Variants in DNMBP observed in about 807,000 individuals in gnomAD.
The protein encoded by DNMBP is dynamin-binding protein.
DNMBP carries 87 observed loss-of-function variants against 150.0 expected under a neutral mutation model. The observed-to-expected ratio is 0.58, with a 90% CI of 0.49 to 0.69. DNMBP has a LOEUF of 0.69. Among genes scored for constraint, DNMBP ranks in the 30% least tolerant of loss-of-function variants. The probability of loss-of-function intolerance (pLI) is 0.00; values close to 1 mark genes in which losing one functional copy is unlikely to be tolerated. For missense variants in DNMBP, 1,774 were observed against 1,949.0 expected (o/e 0.91, Z 1.69); for synonymous variants, 711 against 750.4 (o/e 0.95, Z 0.86).
intron 15 of DNMBP, 43 bp downstream of exon 15, chr10:99,883,966 ATT>A: frequency 2.1e-6 from 3 of 1,417,336 alleles, no homozygotes; most frequent in Non-Finnish European, 1.9e-6. Context: ...CAAAACTACT[ATT>A]TTTTTTTTCC....
chr10:99,961,731 T>G (rs1474816273), intron 3 of DNMBP, among the ~76,000 whole-genome samples: 1 of 152,104 alleles, frequency 6.6e-6, no homozygotes, highest in Non-Finnish European at 1.5e-5. Flanking sequence ...GCCAAACTTT[T>G]ACCATGAAGC....
intron 4 of DNMBP, among the ~76,000 whole-genome samples, chr10:99,943,463 T>C (rs996449329): frequency 6.6e-6 from 1 of 152,162 alleles, no homozygotes; most frequent in Non-Finnish European, 1.5e-5. Context: ...AGTGCAATGA[T>C]ATGATGACAG....
At chr10:99,909,973 C>T in intron 4 of DNMBP, among the ~76,000 whole-genome samples, 1 of 152,178 alleles carries the variant, frequency 6.6e-6, no homozygotes, top group East Asian at 1.9e-4. Flanking sequence ...AGCGTTTGTT[C>T]ATCTGAAATG....
At chr10:99,901,347 G>A (rs2039734318) in intron 6 of DNMBP, among the ~76,000 whole-genome samples, 1 of 152,116 alleles carries the variant, frequency 6.6e-6, no homozygotes, top group Admixed American at 6.6e-5. Context: ...TCTGGTTGAG[G>A]GTTACTGAAA....
At chr10:99,898,714 C>A in intron 8 of DNMBP, 29 bp downstream of exon 8, 2 of 1,612,046 alleles carry the variant, frequency 1.2e-6, no homozygotes, top group East Asian at 4.5e-5. Flanking sequence ...AAGAAATGAG[C>A]GCATACATCA....
chr10:99,909,013 GTC>G lies in DNMBP; in HGVS notation c.2392_2393del (p.Asp798LeufsTer10). 1 of 1,614,178 alleles carries G rather than the reference GTC, an allele frequency of 6.2e-7. No individual in the cohort carries two copies. Among genetic ancestry groups the G allele is most frequent in the Non-Finnish European group, 8.5e-7 (1 of 1,180,040 alleles). ...VIEELLQTERDYIRDLEMCIE... is the reference protein window; with the variant it reads ...VIEELLQTERXYIRDLEMCIE... The stretch of plus-strand genomic sequence containing the variant: ...TACACATTTCCAGATCCCGAATGTA[GTC>G]TCTTTCTGTCTGAAGAAGTTCTTCT... On this transcript the variant is annotated frameshift_variant, in exon 5 of 17. Coordinates refer to ENST00000324109, the MANE Select transcript of DNMBP (RefSeq NM_015221.4). LOFTEE classifies it high-confidence loss of function.
At chr10:99,883,413 C>T (rs750538821) in intron 15 of DNMBP, among the ~76,000 whole-genome samples, 26 of 151,782 alleles carry the variant, frequency 1.7e-4, no homozygotes, top group Non-Finnish European at 3.2e-4. Context: ...CCTATAATCC[C>T]AGCATTTTAG....
chr10:99,971,729 T>G (rs574208150), intron 2 of DNMBP, among the ~76,000 whole-genome samples: 1 of 151,864 alleles, frequency 6.6e-6, no homozygotes, highest in African/African-American at 2.4e-5. Flanking sequence ...CATCTCACCA[T>G]GTTGGCCAGG....
At chr10:99,952,844 T>A (rs114977618) in intron 4 of DNMBP, among the ~76,000 whole-genome samples, 3,298 of 152,322 alleles carry the variant, frequency 0.022, 119 homozygotes, top group African/African-American at 0.075. Context: ...GGTAGCTATA[T>A]GTGCTCAGTC....
chr10:99,886,602 G>C lies in DNMBP; in HGVS notation c.3316C>G (p.Pro1106Ala), dbSNP rs1212855537. The stretch of plus-strand genomic sequence containing the variant: ...AACATGCTCAGTAACTGATTTAAGG[G>C]GGAGATGACAAGCCGCTCTGTCCTC... ...KERTERLVISPLNQLLSMFTG... is the reference protein window; with the variant it reads ...KERTERLVISALNQLLSMFTG... The change falls in exon 13 of 17, where the codon CCC becomes GCC. Residue 1106 changes from proline to alanine, a missense_variant. Physicochemically the swap from Pro to Ala is conservative, Grantham distance 27 (BLOSUM62 -1). Around this residue, in one of 2 missense-constraint regions of DNMBP, gnomAD observed 1,430 missense variants for 1,492.5 expected, o/e 0.96. Transcript: ENST00000324109. The C allele has an allele frequency of 6.2e-7, 1 of 1,613,964 alleles. No individual in the cohort carries two copies. Among genetic ancestry groups the C allele is most frequent in the Non-Finnish European group, 8.5e-7 (1 of 1,179,900 alleles).
chr10:99,989,272 G>A (rs1248062942), intron 1 of DNMBP, among the ~76,000 whole-genome samples: 1 of 152,210 alleles, frequency 6.6e-6, no homozygotes, highest in Admixed American at 6.5e-5. Flanking sequence ...GACTTGGAGT[G>A]GAGTGGAGAT....
In DNMBP at chr10:99,956,566, G is replaced by A; in HGVS notation, c.908C>T (p.Thr303Ile). 1.2e-6 allele frequency: 2 copies of A among 1,614,068 alleles called. No individual in the cohort carries two copies. The highest frequency in any genetic ancestry group is 1.7e-6 in the Non-Finnish European group (2 of 1,180,008). Residue 303 changes from threonine (T) to isoleucine (I), a missense_variant, in exon 4 of 17, where the codon ACA (threonine) becomes ATA (isoleucine). Thr to Ile is a moderately conservative substitution (Grantham distance 89). Around this residue, in one of 2 missense-constraint regions of DNMBP, gnomAD observed 344 missense variants for 456.6 expected, o/e 0.75. Coordinates refer to ENST00000324109, the MANE Select transcript of DNMBP (RefSeq NM_015221.4). ...PYRFVKLCPD[T>I]RVEETMALPQ... ...CAGAGCCATGGTTTCCTCCACCCGT[G>A]TGTCAGGACATAATTTCACAAACCG... is the stretch of plus-strand genomic sequence containing the variant.
At chr10:99,916,845 A>G (rs918895096) in intron 4 of DNMBP, among the ~76,000 whole-genome samples, 11 of 152,090 alleles carry the variant, frequency 7.2e-5, no homozygotes, top group Admixed American at 6.6e-5. Context: ...AATTTCCTCA[A>G]AAGGGTCTGG....
intron 4 of DNMBP, among the ~76,000 whole-genome samples, chr10:99,910,090 G>C (rs1266628696): frequency 1.3e-5 from 2 of 152,152 alleles, no homozygotes; most frequent in African/African-American, 4.8e-5. Flanking sequence ...TACAAATTTG[G>C]TATGTAAATA....
chr10:99,928,505 G>A (rs1292852303), intron 4 of DNMBP, among the ~76,000 whole-genome samples: 4 of 152,080 alleles, frequency 2.6e-5, no homozygotes, highest in Non-Finnish European at 4.4e-5. Flanking sequence ...ACACACACAC[G>A]AAAGGTTTAA....
chr10:99,919,662 G>A (rs574096989), intron 4 of DNMBP, among the ~76,000 whole-genome samples: 5 of 152,266 alleles, frequency 3.3e-5, no homozygotes, highest in South Asian at 2.1e-4. Flanking sequence ...ATGTGGTGGC[G>A]TGCGCCACCA....
chr10:99,941,903 G>A, intron 4 of DNMBP, among the ~76,000 whole-genome samples: 1 of 152,160 alleles, frequency 6.6e-6, no homozygotes, highest in East Asian at 1.9e-4. Flanking sequence ...TCCATCCCTT[G>A]CCTGGGTCAC....
intron 15 of DNMBP, among the ~76,000 whole-genome samples, chr10:99,883,776 G>C (rs940683808): frequency 6.6e-6 from 1 of 151,932 alleles, no homozygotes; most frequent in Non-Finnish European, 1.5e-5. Flanking sequence ...GATATGGCAA[G>C]AGCTTGCATG....
chr10:99,903,323 CACTTT>C (rs2133235711), intron 6 of DNMBP, among the ~76,000 whole-genome samples: 1 of 151,832 alleles, frequency 6.6e-6, no homozygotes, highest in South Asian at 2.1e-4. Flanking sequence ...TCTTCACGGC[CACTTT>C]TTTTTTGTTT....
Sources: gnomAD v4.1 joint callset for allele counts (sites outside exome capture counted in the v4.1 genomes callset) on GRCh38, gnomAD v4.1.1 for gene constraint, gnomAD v4.1.1 regional missense constraint, MANE v1.5 for transcripts, NCBI Gene and HGNC (gene_info 2026-07-23, HGNC 2026-07-21) for gene names.